Variants in JHY observed in about 807,000 individuals in gnomAD.
JHY encodes the protein junctional cadherin complex regulator.
JHY carries 69 observed loss-of-function variants against 78.0 expected under a neutral mutation model. The ratio of observed to expected loss-of-function variants is 0.88; its 90% CI spans 0.73 to 1.08. JHY has a LOEUF of 1.08. Among genes scored for constraint, JHY ranks in the 50% least tolerant of loss-of-function variants. JHY has a pLI of 0.00. For missense variants in JHY, 944 were observed against 927.8 expected (o/e 1.02, Z -0.23); for synonymous variants, 368 against 342.6 (o/e 1.07, Z -0.82).
chr11:122,957,217 G>T (rs556576495), intron 7 of JHY, 146 bp from the exon 8 acceptor site: 5 of 828,290 alleles, frequency 6.0e-6, no homozygotes, highest in Non-Finnish European at 8.6e-6. Context: ...CCATTTCACT[G>T]CTGCCACCTT....
At chr11:122,894,046 C>T (rs1386716519) in intron 2 of JHY, among the ~76,000 whole-genome samples, 2 of 152,086 alleles carry the variant, frequency 1.3e-5, no homozygotes, top group African/African-American at 2.4e-5. Flanking sequence ...CTTGGCCAGG[C>T]GTGGTGGCTT....
intron 2 of JHY, among the ~76,000 whole-genome samples, chr11:122,887,636 T>A (rs1337465076): frequency 2.0e-5 from 3 of 151,938 alleles, no homozygotes; most frequent in South Asian, 2.1e-4. Context: ...TTTTTTTTTT[T>A]AATTCAGGCT....
intron 6 of JHY, among the ~76,000 whole-genome samples, chr11:122,950,634 G>C (rs1864067264): frequency 6.6e-6 from 1 of 152,134 alleles, no homozygotes; most frequent in Admixed American, 6.5e-5. Flanking sequence ...TGTAGACTTA[G>C]TGTGATGTTA....
At chr11:122,907,016 CTA>C (rs1174220946) in intron 3 of JHY, among the ~76,000 whole-genome samples, 1 of 151,922 alleles carries the variant, frequency 6.6e-6, no homozygotes, top group African/African-American at 2.4e-5. Flanking sequence ...CGGGATCTTG[CTA>C]TGTTGCTGGA....
intron 2 of JHY, among the ~76,000 whole-genome samples, chr11:122,890,774 T>C (rs934153271): frequency 2.6e-5 from 4 of 152,242 alleles, no homozygotes; most frequent in Admixed American, 6.5e-5. Context: ...AAGGCTGTTT[T>C]CCTCAGATTG....
chr11:122,903,961 C>T lies in JHY; in HGVS notation c.381C>T (p.Arg127=), dbSNP rs1373595102. Residue 127 remains arginine, a synonymous_variant, in exon 3 of 9, where the codon CGC becomes CGT. Coordinates refer to ENST00000227349, the MANE Select transcript of JHY (RefSeq NM_024806.4). ...TAGAAGACAAATATTCAGACCTCCG[C>T]TATGACCCGAACTGGAAGAGTAAGA... The part of the protein sequence containing the change: ...QPIEDKYSDL[R]YDPNWKSKKE... The T allele has an allele frequency of 6.2e-7, 1 of 1,610,350 alleles. No individual in the cohort carries two copies. Among genetic ancestry groups the T allele is most frequent in the Admixed American group, 1.7e-5 (1 of 59,786 alleles).
At chr11:122,952,404 A>G (rs1467642790) in intron 6 of JHY, among the ~76,000 whole-genome samples, 2 of 152,176 alleles carry the variant, frequency 1.3e-5, no homozygotes, top group African/African-American at 4.8e-5. Context: ...CGCCAACCTT[A>G]AGTAAATCCA....
In JHY at chr11:122,962,943, C is replaced by T. The variant is rs1864343815; in HGVS notation, c.*3498C>T. On this transcript the variant is annotated 3_prime_UTR_variant, in exon 9 of 9. Coordinates refer to ENST00000227349, the MANE Select transcript of JHY (RefSeq NM_024806.4). ...ATGGAAAGAGGTTGTCCTTGTTTCT[C>T]TGTGTGGATGAGCAACATATAGTTG... Among the ~76,000 whole-genome samples the T allele has an allele frequency of 6.6e-6, 1 of 152,082 alleles. No individual in the cohort carries two copies.
At chr11:122,943,046 T>A (rs1017784677) in intron 5 of JHY, among the ~76,000 whole-genome samples, 21 of 152,216 alleles carry the variant, frequency 1.4e-4, no homozygotes, top group African/African-American at 4.8e-4. Flanking sequence ...ACCTACTTTT[T>A]AAAATTTATT....
At chr11:122,884,338 T>C (rs1192653259) in intron 1 of JHY, among the ~76,000 whole-genome samples, 1 of 152,136 alleles carries the variant, frequency 6.6e-6, no homozygotes, top group Non-Finnish European at 1.5e-5. Flanking sequence ...TAAGGTTGTG[T>C]CATTTAATTA....
intron 5 of JHY, among the ~76,000 whole-genome samples, chr11:122,945,776 A>C (rs1302222877): frequency 6.6e-6 from 1 of 152,200 alleles, no homozygotes. Context: ...ATATTGTCCT[A>C]TAGATATTCA....
intron 2 of JHY, among the ~76,000 whole-genome samples, chr11:122,888,174 A>G (rs896480402): frequency 6.6e-6 from 1 of 152,220 alleles, no homozygotes; most frequent in Non-Finnish European, 1.5e-5. Flanking sequence ...CTTGCAGGAC[A>G]GCTTCAGAGA....
intron 6 of JHY, among the ~76,000 whole-genome samples, chr11:122,954,643 C>T (rs1020774923): frequency 3.3e-5 from 5 of 152,118 alleles, no homozygotes; most frequent in South Asian, 2.1e-4. Context: ...CACAGCTGGT[C>T]GCGGTGACTC....
intron 3 of JHY, among the ~76,000 whole-genome samples, chr11:122,916,776 T>A (rs940020246): frequency 9.9e-5 from 15 of 151,994 alleles, no homozygotes; most frequent in African/African-American, 3.6e-4. Flanking sequence ...GTAGCTGGGA[T>A]TACAGGCGCC....
chr11:122,928,195 A>G (rs141788823), intron 4 of JHY, among the ~76,000 whole-genome samples: 88 of 152,312 alleles, frequency 5.8e-4, no homozygotes, highest in African/African-American at 2.0e-3. Flanking sequence ...GCTCATGCCT[A>G]TAATCCTATT....
chr11:122,905,433 A>C, intron 3 of JHY: 1 of 1,341,630 alleles, frequency 7.5e-7, no homozygotes, highest in Non-Finnish European at 9.5e-7. Flanking sequence ...GGTTGCCCTT[A>C]GACCTATTCC....
At position 122,904,066 on chromosome 11, in the gene JHY, C is replaced by T. The variant is rs771944206; in HGVS notation, c.486C>T (p.Pro162=). 9.3e-6 allele frequency: 15 copies of T among 1,614,146 alleles called. No homozygotes were observed. Among genetic ancestry groups the T allele is most frequent in the African/African-American group, 1.3e-5 (1 of 75,036 alleles). Residue 162 remains proline (P), a synonymous_variant, in exon 3 of 9, where the codon CCC becomes CCT. Coordinates refer to ENST00000227349, the MANE Select transcript of JHY (RefSeq NM_024806.4). ...DSSLENLPLA[P]LYPSQETSME... ...CTTTAGAAAATCTGCCTTTGGCTCC[C>T]CTCTACCCTTCCCAGGAGACGTCAA...
At chr11:122,905,373 T>C in intron 3 of JHY, 1 of 1,505,578 alleles carries the variant, frequency 6.6e-7, no homozygotes. Context: ...TATCACCTGC[T>C]AATGTGAGGT....
intron 3 of JHY, among the ~76,000 whole-genome samples, chr11:122,912,156 G>A (rs544747654): frequency 2.6e-5 from 4 of 151,788 alleles, no homozygotes; most frequent in Admixed American, 6.6e-5. Flanking sequence ...GCCTCGTGGT[G>A]CGCACCTGTA....
Sources: allele counts gnomAD v4.1 joint callset (sites outside exome capture counted in the v4.1 genomes callset), GRCh38; gene constraint gnomAD v4.1.1; transcripts MANE v1.5; gene names NCBI Gene and HGNC (gene_info 2026-07-23, HGNC 2026-07-21).